Variants in UGT1A5 observed in about 807,000 individuals in gnomAD.
UGT1A5 encodes UDP-glucuronosyltransferase 1A5.
UGT1A5 carries 29 observed loss-of-function variants against 40.3 expected under a neutral mutation model. That is an observed-to-expected ratio of 0.72 (90% CI 0.54 to 0.98). The LOEUF (loss-of-function observed/expected upper bound fraction) is 0.98, where lower values mean the gene tolerates loss of function less well. Among genes scored for constraint, UGT1A5 ranks in the 50% least tolerant of loss-of-function variants. UGT1A5 has a pLI of 0.00. For missense variants in UGT1A5, 678 were observed against 677.9 expected (o/e 1.00, Z 0.00); for synonymous variants, 257 against 262.5 (o/e 0.98, Z 0.20).
In UGT1A5 at chr2:233,757,562, G is replaced by GTATATATATATATATATATATA. The variant is rs1491042837; in HGVS notation, c.868-9465_868-9464insATATATATATATATATATATAT. Among the ~76,000 whole-genome samples, 15 of 90,888 alleles carry GTATATATATATATATATATATA rather than the reference G, an allele frequency of 1.7e-4. 1 individual carries two copies. The highest frequency in any genetic ancestry group is 7.2e-4 in the African/African-American group (14 of 19,524). The allele number at this position is 90,888 out of a possible 152,430, so 59.6% of individuals were successfully genotyped here. On this transcript the variant is annotated intron_variant, in intron 1 of 4. Transcript: ENST00000373414. The stretch of plus-strand genomic sequence containing the variant: ...TATATATATATATATATATATATAT[G>GTATATATATATATATATATATA]TATATATGATATAGCTATAGTCTAA...
At chr2:233,729,508 T>G in intron 1 of UGT1A5, 2 of 1,614,204 alleles carry the variant, frequency 1.2e-6, no homozygotes. Context: ...TCATAGGTCT[T>G]GTGTGGAGCT....
At chr2:233,750,627 TC>T (rs1482081240) in intron 1 of UGT1A5, 1 of 151,448 alleles carries the variant, frequency 6.6e-6, no homozygotes, top group Non-Finnish European at 1.5e-5. Flanking sequence ...GGGTCCATGC[TC>T]CCCCTGCTGT....
chr2:233,750,657 G>A (rs1694532021), intron 1 of UGT1A5: 1 of 143,480 alleles, frequency 7.0e-6, no homozygotes, highest in Admixed American at 6.7e-5. Flanking sequence ...TCAGGACTTG[G>A]TGCCCTGTGT....
chr2:233,749,920 A>G (rs1428594546), intron 1 of UGT1A5, among the ~76,000 whole-genome samples: 1 of 151,914 alleles, frequency 6.6e-6, no homozygotes, highest in Non-Finnish European at 1.5e-5. Flanking sequence ...CTGTGAGTCA[A>G]TTAAAGCTCT....
intron 1 of UGT1A5, among the ~76,000 whole-genome samples, chr2:233,730,165 G>A (rs142374428): frequency 8.5e-5 from 13 of 152,274 alleles, no homozygotes; most frequent in East Asian, 3.9e-4. Context: ...CTCTAGTAGC[G>A]TATTTCAGGT....
intron 1 of UGT1A5, chr2:233,719,739 A>C (rs758565863): frequency 2.9e-5 from 46 of 1,613,226 alleles, no homozygotes; most frequent in Middle Eastern, 1.8e-4. Flanking sequence ...ACACTTTTTA[A>C]AAAATGTATT....
At chr2:233,766,486 C>T (rs562758025) in intron 1 of UGT1A5, among the ~76,000 whole-genome samples, 29 of 152,240 alleles carry the variant, frequency 1.9e-4, no homozygotes, top group African/African-American at 6.5e-4. Flanking sequence ...ATGATGGGGG[C>T]GTGGCAGGCC....
At chr2:233,729,805 T>C (rs61740163) in intron 1 of UGT1A5, 2 of 1,611,876 alleles carry the variant, frequency 1.2e-6, no homozygotes, top group Non-Finnish European at 1.7e-6. Flanking sequence ...TTGCCATGCT[T>C]TTTCTGCTCC....
intron 1 of UGT1A5, among the ~76,000 whole-genome samples, chr2:233,732,747 C>T (rs2078308352): frequency 6.7e-6 from 1 of 150,262 alleles, no homozygotes; most frequent in South Asian, 2.1e-4. Flanking sequence ...CATGATGCCA[C>T]CAGCTTTGTT....
intron 4 of UGT1A5, chr2:233,771,178 A>T (rs1700251427): frequency 6.6e-6 from 1 of 152,240 alleles, no homozygotes; most frequent in African/African-American, 2.4e-5. Flanking sequence ...GGGGATTACA[A>T]TTCAACATGA....
rs575244143 is a variant in UGT1A5, at chr2:233,730,709, C to T, written c.867+16851C>T. Among the ~76,000 whole-genome samples, 89 of 152,156 alleles carry T rather than the reference C, an allele frequency of 5.8e-4. 1 individual carries two copies. The highest frequency in any genetic ancestry group is 6.8e-3 in the Middle Eastern group (2 of 294). ...TCAAATGATTCTTCTACTTGGAATG[C>T]TGAAATTATCAAGAAATGGCGGAAG... On this transcript the variant is annotated intron_variant, in intron 1 of 4. Coordinates refer to ENST00000373414, the MANE Select transcript of UGT1A5 (RefSeq NM_019078.2).
intron 1 of UGT1A5, among the ~76,000 whole-genome samples, chr2:233,728,172 A>G (rs1397087886): frequency 6.6e-6 from 1 of 152,220 alleles, no homozygotes; most frequent in Admixed American, 6.5e-5. Context: ...TGGAGGAACC[A>G]TTCTTATCAG....
intron 1 of UGT1A5, among the ~76,000 whole-genome samples, chr2:233,737,754 T>C (rs1342701991): frequency 6.6e-6 from 1 of 152,182 alleles, no homozygotes; most frequent in Non-Finnish European, 1.5e-5. Context: ...AGTTTTTCAA[T>C]GTGAACATAT....
intron 1 of UGT1A5, chr2:233,747,734 G>A: frequency 6.2e-7 from 1 of 1,613,288 alleles, no homozygotes; most frequent in Middle Eastern, 1.7e-4. Context: ...TTTTTTTGAG[G>A]AACATTCCAT....
intron 1 of UGT1A5, among the ~76,000 whole-genome samples, chr2:233,739,485 C>T (rs535486258): frequency 1.8e-4 from 27 of 152,374 alleles, no homozygotes; most frequent in African/African-American, 6.3e-4. Context: ...GAGCCCATTT[C>T]TGGCATCACC....
At chr2:233,734,087 C>A (rs2078476920) in intron 1 of UGT1A5, among the ~76,000 whole-genome samples, 1 of 151,836 alleles carries the variant, frequency 6.6e-6, no homozygotes, top group East Asian at 1.9e-4. Context: ...GCACATGCAC[C>A]CTAAAACTTA....
At chr2:233,730,386 T>A (rs1243886406) in intron 1 of UGT1A5, among the ~76,000 whole-genome samples, 1 of 152,190 alleles carries the variant, frequency 6.6e-6, no homozygotes, top group East Asian at 1.9e-4. Flanking sequence ...GGAAAGATGA[T>A]GCAACAGTAA....
At chr2:233,743,556 T>A in intron 1 of UGT1A5, 1 of 1,367,030 alleles carries the variant, frequency 7.3e-7, no homozygotes, top group Non-Finnish European at 9.8e-7. Flanking sequence ...CCCAAAATAT[T>A]CTCCAGCGGG....
chr2:233,749,702 A>C lies in UGT1A5; in HGVS notation c.868-17332A>C, dbSNP rs7556792. On this transcript the variant is annotated intron_variant, in intron 1 of 4. Coordinates refer to ENST00000373414, the MANE Select transcript of UGT1A5 (RefSeq NM_019078.2). ...CAAGGACAGGATCTGGTGGGAGGTG[A>C]TTGGATCATGGGGGCAGTTTCGCAC... 9.0e-3 allele frequency among the ~76,000 whole-genome samples: 1,371 copies of C among 151,808 alleles called. 51 individuals carry two copies. The highest frequency in any genetic ancestry group is 0.032 in the African/African-American group (1,324 of 41,154).
Sources: gnomAD v4.1 joint callset for allele counts (sites outside exome capture counted in the v4.1 genomes callset) on GRCh38, gnomAD v4.1.1 for gene constraint, MANE v1.5 for transcripts, NCBI Gene and HGNC (gene_info 2026-07-23, HGNC 2026-07-21) for gene names.